Variants in MYRIP observed in about 807,000 individuals in gnomAD.
The protein encoded by MYRIP is rab effector MyRIP.
A neutral mutation model predicts 98.0 loss-of-function variants in MYRIP; 49 were observed. The observed-to-expected ratio is 0.50, with a 90% confidence interval of 0.40 to 0.63. MYRIP has a LOEUF of 0.63. MYRIP is among the 30% of genes least tolerant of loss of function. The pLI is 0.00. For missense variants in MYRIP, 1,004 were observed against 1,058.2 expected (o/e 0.95, Z 0.71); for synonymous variants, 404 against 409.5 (o/e 0.99, Z 0.16).
chr3:40,048,283 C>T (rs370183003), intron 3 of MYRIP, among the ~76,000 whole-genome samples: 13 of 152,244 alleles, frequency 8.5e-5, no homozygotes, highest in African/African-American at 3.1e-4. Context: ...AGATGCATTC[C>T]TTTCCTTATT....
At chr3:39,977,559 GTAC>G (rs1418943951) in intron 2 of MYRIP, among the ~76,000 whole-genome samples, 4 of 152,154 alleles carry the variant, frequency 2.6e-5, no homozygotes, top group Non-Finnish European at 5.9e-5. Flanking sequence ...CAGGATGGAT[GTAC>G]TGTCTCTATT....
intron 11 of MYRIP, among the ~76,000 whole-genome samples, chr3:40,227,331 A>G (rs1033379489): frequency 1.8e-4 from 28 of 152,164 alleles, no homozygotes; most frequent in African/African-American, 6.3e-4. Flanking sequence ...GTCTGCTCCC[A>G]GTAAAGGGAA....
intron 3 of MYRIP, 136 bp from the exon 4 acceptor site, chr3:40,150,910 GAA>G: frequency 1.3e-6 from 1 of 787,374 alleles, no homozygotes; most frequent in African/African-American, 1.8e-5. Context: ...TATGGTCAGA[GAA>G]AGTCACAAGG....
chr3:39,992,252 C>G (rs1026532198), intron 2 of MYRIP, among the ~76,000 whole-genome samples: 4 of 152,108 alleles, frequency 2.6e-5, no homozygotes, highest in Admixed American at 6.5e-5. Context: ...TTTCTTTCAT[C>G]CCCGGACTCT....
intron 3 of MYRIP, among the ~76,000 whole-genome samples, chr3:40,124,855 C>G (rs1197239506): frequency 6.6e-6 from 1 of 152,178 alleles, no homozygotes; most frequent in Non-Finnish European, 1.5e-5. Flanking sequence ...CAGTCTCCTC[C>G]ATGACTTTGG....
chr3:40,234,701 C>T (rs1246006298), intron 12 of MYRIP, among the ~76,000 whole-genome samples: 1 of 152,048 alleles, frequency 6.6e-6, no homozygotes, highest in Non-Finnish European at 1.5e-5. Flanking sequence ...ATTTAAGATA[C>T]CAACAAAATC....
At chr3:40,104,919 CT>C (rs1372538238) in intron 3 of MYRIP, among the ~76,000 whole-genome samples, 1 of 152,150 alleles carries the variant, frequency 6.6e-6, no homozygotes, top group Non-Finnish European at 1.5e-5. Flanking sequence ...AGCCTTTCAA[CT>C]TTTTTTCATT....
At chr3:39,895,183 A>ATTTTTT (rs369169565) in intron 1 of MYRIP, among the ~76,000 whole-genome samples, 4 of 139,968 alleles carry the variant, frequency 2.9e-5, no homozygotes, top group Admixed American at 7.1e-5. Context: ...TTTTGCTTGC[A>ATTTTTT]TTTTTTTTTT....
intron 1 of MYRIP, among the ~76,000 whole-genome samples, chr3:39,836,557 T>C (rs2887934): frequency 0.33 from 50,762 of 151,986 alleles, 8,869 homozygotes; most frequent in African/African-American, 0.42. Flanking sequence ...GTGCTCCTTT[T>C]GCGAGGGCAT....
At chr3:40,225,782 A>G (rs1952469139) in intron 11 of MYRIP, among the ~76,000 whole-genome samples, 1 of 152,168 alleles carries the variant, frequency 6.6e-6, no homozygotes, top group African/African-American at 2.4e-5. Context: ...CCCTCCCCAA[A>G]GAGTCTCTCG....
At chr3:39,876,478 AC>A (rs1250784921) in intron 1 of MYRIP, among the ~76,000 whole-genome samples, 1 of 151,916 alleles carries the variant, frequency 6.6e-6, no homozygotes, top group Non-Finnish European at 1.5e-5. Flanking sequence ...AGTGGTTGGT[AC>A]CGGTTGTTCC....
At chr3:40,139,848 G>A (rs1949856961) in intron 3 of MYRIP, among the ~76,000 whole-genome samples, 1 of 152,154 alleles carries the variant, frequency 6.6e-6, no homozygotes, top group Non-Finnish European at 1.5e-5. Flanking sequence ...CCAAAGTGCT[G>A]GGATTACAGA....
At chr3:39,903,907 C>T (rs1296558094) in intron 2 of MYRIP, among the ~76,000 whole-genome samples, 4 of 152,140 alleles carry the variant, frequency 2.6e-5, no homozygotes, top group Admixed American at 2.6e-4. Flanking sequence ...ATCTAATGTC[C>T]AGTAAATTTA....
intron 10 of MYRIP, among the ~76,000 whole-genome samples, chr3:40,205,751 G>T (rs1457980118): frequency 6.6e-6 from 1 of 151,932 alleles, no homozygotes; most frequent in Admixed American, 6.6e-5. Context: ...AGTATGTTTG[G>T]TGTTTCAGTG....
intron 3 of MYRIP, among the ~76,000 whole-genome samples, chr3:40,134,181 C>A (rs917821789): frequency 3.3e-5 from 5 of 152,224 alleles, no homozygotes; most frequent in Non-Finnish European, 7.3e-5. Context: ...CCGTTACTCC[C>A]ACCCTAATAT....
intron 11 of MYRIP, among the ~76,000 whole-genome samples, chr3:40,211,023 A>C (rs1447122437): frequency 6.6e-6 from 1 of 152,150 alleles, no homozygotes; most frequent in Non-Finnish European, 1.5e-5. Context: ...ACACATGTTC[A>C]TTAGGTCCTT....
At chr3:39,877,164 A>G (rs889268364) in intron 1 of MYRIP, among the ~76,000 whole-genome samples, 3 of 152,146 alleles carry the variant, frequency 2.0e-5, no homozygotes, top group Admixed American at 6.5e-5. Context: ...TTCTTCACAT[A>G]GTTCTCGAGC....
intron 1 of MYRIP, among the ~76,000 whole-genome samples, chr3:39,871,807 T>C (rs139674380): frequency 2.0e-5 from 3 of 152,200 alleles, no homozygotes; most frequent in African/African-American, 4.8e-5. Context: ...TCTAGAATTA[T>C]TTTTTAATTT....
At chr3:39,822,443 A>G (rs1188533348) in intron 1 of MYRIP, among the ~76,000 whole-genome samples, 2 of 151,778 alleles carry the variant, frequency 1.3e-5, no homozygotes, top group Non-Finnish European at 2.9e-5. Context: ...AACTTTCTTA[A>G]AACATTATGA....
Sources: allele counts gnomAD v4.1 joint callset (sites outside exome capture counted in the v4.1 genomes callset), GRCh38; gene constraint gnomAD v4.1.1; transcripts MANE v1.5; gene names NCBI Gene and HGNC (gene_info 2026-07-23, HGNC 2026-07-21).